The following ERBB4 variants were observed in gnomAD, a reference collection of about 807,000 sequenced individuals.
The protein encoded by ERBB4 is erb-b2 receptor tyrosine kinase 4.
A neutral mutation model predicts 158.0 loss-of-function variants in ERBB4; 42 were observed. The ratio of observed to expected loss-of-function variants is 0.27; its 90% CI spans 0.21 to 0.34. The LOEUF (loss-of-function observed/expected upper bound fraction) is 0.34. Among genes scored for constraint, ERBB4 ranks in the 10% least tolerant of loss-of-function variants. The probability of loss-of-function intolerance (pLI) is 1.00; values close to 1 mark genes in which losing one functional copy is unlikely to be tolerated. For missense variants in ERBB4, 1,333 were observed against 1,624.1 expected, an observed-to-expected ratio of 0.82 and a Z score of 3.08; for synonymous variants, 583 against 558.7, an observed-to-expected ratio of 1.04 and a Z score of -0.61.
intron 7 of ERBB4, among the ~76,000 whole-genome samples, chr2:211,720,918 A>G (rs528845140): frequency 3.3e-5 from 5 of 152,286 alleles, no homozygotes; most frequent in African/African-American, 1.2e-4. Flanking sequence ...ACCTGGAGGG[A>G]TAGCTGCAGG....
intron 1 of ERBB4, among the ~76,000 whole-genome samples, chr2:212,437,721 T>G (rs1413534201): frequency 1.3e-5 from 2 of 152,104 alleles, no homozygotes; most frequent in Non-Finnish European, 2.9e-5. Context: ...CTTTCTGCCT[T>G]GCTCTTTATG....
chr2:212,255,198 AAATAAG>A (rs1448445983), intron 1 of ERBB4, among the ~76,000 whole-genome samples: 1 of 152,172 alleles, frequency 6.6e-6, no homozygotes, highest in Non-Finnish European at 1.5e-5. Context: ...TAAGAGGAAA[AAATAAG>A]AATAATATTT....
intron 1 of ERBB4, among the ~76,000 whole-genome samples, chr2:212,504,488 T>C (rs1004414837): frequency 6.6e-6 from 1 of 151,416 alleles, no homozygotes; most frequent in Admixed American, 6.6e-5. Flanking sequence ...TGAAAAAGCC[T>C]ATAGAGAAAT....
chr2:212,366,497 C>T (rs2089895467), intron 1 of ERBB4, among the ~76,000 whole-genome samples: 1 of 151,948 alleles, frequency 6.6e-6, no homozygotes, highest in South Asian at 2.1e-4. Flanking sequence ...GATCATAAAA[C>T]ACATGAATTC....
At chr2:211,992,192 C>T (rs2082088969) in intron 2 of ERBB4, among the ~76,000 whole-genome samples, 1 of 152,064 alleles carries the variant, frequency 6.6e-6, no homozygotes, top group African/African-American at 2.4e-5. Context: ...CATCAAAACA[C>T]ACCAGAGACT....
intron 1 of ERBB4, among the ~76,000 whole-genome samples, chr2:212,216,058 C>T (rs558755415): frequency 4.0e-5 from 6 of 151,356 alleles, no homozygotes; most frequent in African/African-American, 7.2e-5. Context: ...AAAAGATTTG[C>T]GCCGGTGTTA....
rs111926130 is a variant in ERBB4 at position 211,430,282 on chromosome 2, T to C, written c.2643+663A>G. Among the ~76,000 whole-genome samples, 8 of 152,222 alleles carry C rather than the reference T, an allele frequency of 5.3e-5. 1 individual carries two copies. Among genetic ancestry groups the C allele is most frequent in the African/African-American group, 1.9e-4 (8 of 41,540 alleles). ...TGGGCTGCCTGACCTTAGGTTTCAC[T>C]AGGTGAAGCTAGAGGGACCTCCATA... On this transcript the variant is annotated intron_variant, in intron 21 of 27. Transcript: ENST00000342788.
intron 5 of ERBB4, among the ~76,000 whole-genome samples, chr2:211,730,376 T>A (rs1207561145): frequency 1.3e-5 from 2 of 152,006 alleles, no homozygotes; most frequent in Admixed American, 6.6e-5. Flanking sequence ...GTTCGCCCGT[T>A]AACAATAGAA....
chr2:211,817,404 T>C (rs967698483), intron 3 of ERBB4, among the ~76,000 whole-genome samples: 1 of 152,224 alleles, frequency 6.6e-6, no homozygotes, highest in Admixed American at 6.5e-5. Flanking sequence ...AACTTCTCTT[T>C]GGTATAGTTG....
intron 1 of ERBB4, among the ~76,000 whole-genome samples, chr2:212,320,314 C>T (rs148180464): frequency 6.8e-6 from 1 of 146,846 alleles, no homozygotes; most frequent in South Asian, 2.2e-4. Context: ...GTTTCAAGTA[C>T]AGTCTTTTTT....
intron 1 of ERBB4, among the ~76,000 whole-genome samples, chr2:212,508,179 T>A (rs1417725260): frequency 6.6e-6 from 1 of 152,210 alleles, no homozygotes; most frequent in Non-Finnish European, 1.5e-5. Flanking sequence ...TTGGACATAA[T>A]TGTACACTTT....
intron 1 of ERBB4, among the ~76,000 whole-genome samples, chr2:212,385,195 C>G: frequency 6.6e-6 from 1 of 151,512 alleles, no homozygotes; most frequent in East Asian, 1.9e-4. Flanking sequence ...TGTAAAAATG[C>G]TTTTTCTGCA....
chr2:212,042,554 T>C (rs1295426511), intron 2 of ERBB4, among the ~76,000 whole-genome samples: 1 of 152,134 alleles, frequency 6.6e-6, no homozygotes, highest in Non-Finnish European at 1.5e-5. Context: ...TTTTTCTTTA[T>C]GCTACATATC....
At chr2:212,464,176 AT>A (rs1688714697) in intron 1 of ERBB4, among the ~76,000 whole-genome samples, 1 of 152,144 alleles carries the variant, frequency 6.6e-6, no homozygotes, top group Non-Finnish European at 1.5e-5. Flanking sequence ...GATTAAAAAT[AT>A]TTAATTATTG....
intron 2 of ERBB4, among the ~76,000 whole-genome samples, chr2:212,063,270 A>AT (rs1282401319): frequency 6.6e-6 from 1 of 152,154 alleles, no homozygotes; most frequent in Non-Finnish European, 1.5e-5. Flanking sequence ...AGAAAAAAAT[A>AT]TTTTTAAGAA....
intron 2 of ERBB4, among the ~76,000 whole-genome samples, chr2:212,075,436 T>C (rs1416077153): frequency 1.3e-5 from 2 of 151,896 alleles, no homozygotes. Context: ...TGTCAGGCAT[T>C]TTCATTAGTC....
intron 1 of ERBB4, among the ~76,000 whole-genome samples, chr2:212,287,914 A>C (rs1219316730): frequency 6.6e-6 from 1 of 152,128 alleles, no homozygotes; most frequent in Non-Finnish European, 1.5e-5. Flanking sequence ...AGGGTGGAGC[A>C]TGGAAGGAGG....
At chr2:211,758,123 T>C (rs563342876) in intron 4 of ERBB4, among the ~76,000 whole-genome samples, 1 of 152,328 alleles carries the variant, frequency 6.6e-6, no homozygotes, top group South Asian at 2.1e-4. Flanking sequence ...TAAGAAGGAC[T>C]AACAGTTAGA....
At chr2:211,734,930 A>G (rs2106163613) in intron 5 of ERBB4, among the ~76,000 whole-genome samples, 1 of 146,426 alleles carries the variant, frequency 6.8e-6, no homozygotes, top group South Asian at 2.1e-4. Context: ...AAAAAAAAAA[A>G]AGACGGATTG....
Sources: gnomAD v4.1 joint callset for allele counts (sites outside exome capture counted in the v4.1 genomes callset) on GRCh38, gnomAD v4.1.1 for gene constraint, MANE v1.5 for transcripts, NCBI Gene and HGNC (gene_info 2026-07-23, HGNC 2026-07-21) for gene names.